Variants in CCNY observed in about 807,000 individuals in gnomAD.
CCNY encodes the protein cyclin Y.
A neutral mutation model predicts 42.8 loss-of-function variants in CCNY; 19 were observed. The ratio of observed to expected loss-of-function variants is 0.44; its 90% confidence interval spans 0.31 to 0.65. CCNY has a LOEUF of 0.65. Among genes scored for constraint, CCNY ranks in the 30% least tolerant of loss-of-function variants. CCNY has a pLI of 0.07. For synonymous variants in CCNY, 165 were observed against 162.7 expected (o/e 1.01, Z -0.11); for missense variants, 370 against 437.3 (o/e 0.85, Z 1.37).
intron 3 of CCNY, among the ~76,000 whole-genome samples, chr10:35,321,221 C>T (rs1040150057): frequency 2.0e-5 from 3 of 150,920 alleles, no homozygotes; most frequent in Admixed American, 6.6e-5. Flanking sequence ...ATGCAAGGCA[C>T]CTATACAATT....
chr10:35,313,977 G>GAAAAAAAAAAAAAAAAAAAAAAAAAA (rs71523375), intron 3 of CCNY, among the ~76,000 whole-genome samples: 1 of 79,798 alleles, frequency 1.3e-5, no homozygotes. Context: ...GTTCATCTCG[G>GAAAAAAAAAAAAAAAAAAAAAAAAAA]AAAAAAAAAA....
At chr10:35,305,696 T>C (rs912617672) in intron 3 of CCNY, among the ~76,000 whole-genome samples, 1 of 152,210 alleles carries the variant, frequency 6.6e-6, no homozygotes, top group African/African-American at 2.4e-5. Flanking sequence ...TTTCTGAGTA[T>C]TGATGATTGG....
intron 1 of CCNY, among the ~76,000 whole-genome samples, chr10:35,414,020 A>G (rs975588054): frequency 2.0e-5 from 3 of 152,204 alleles, no homozygotes; most frequent in Non-Finnish European, 4.4e-5. Context: ...ATTTGCAAAT[A>G]AAGATATGTT....
At chr10:35,281,135 C>T (rs1835295119) in intron 3 of CCNY, among the ~76,000 whole-genome samples, 1 of 152,212 alleles carries the variant, frequency 6.6e-6, no homozygotes. Context: ...CTCACATACA[C>T]TGGTGGGAAT....
chr10:35,496,645 C>T lies in CCNY; in HGVS notation c.230-4856C>T, dbSNP rs142149359. Among the ~76,000 whole-genome samples the T allele has an allele frequency of 3.0e-3, 459 of 151,496 alleles. 6 individuals are homozygous for T. Among genetic ancestry groups the T allele is most frequent in the African/African-American group, 0.01 (432 of 41,234 alleles). Reference sequence around the variant, plus strand: ...CTCAGGAGTTCAATACCAGCCTGGGCGACATAGTGAGATCTCATCTCTAAA... The same window carrying T: ...CTCAGGAGTTCAATACCAGCCTGGGTGACATAGTGAGATCTCATCTCTAAA... On this transcript the variant is annotated intron_variant, in intron 2 of 9. Transcript: ENST00000374704.
chr10:35,293,978 C>G lies in CCNY; in HGVS notation c.-9+43352C>G, dbSNP rs532125866. Among the ~76,000 whole-genome samples, 7 of 152,116 alleles carry G rather than the reference C, an allele frequency of 4.6e-5. No individual in the cohort carries two copies. In the South Asian group the frequency reaches 1.5e-3, roughly 32 times the overall value. On this transcript the variant is annotated intron_variant, in intron 3 of 11. Transcript: ENST00000374706. ...GCTACTTTTTGTATTTTAGTAGAGA[C>G]AGGCTTTCACCATGTTGGTCAGGCT...
chr10:35,526,129 A>G, intron 5 of CCNY, 130 bp downstream of exon 5: 1 of 806,762 alleles, frequency 1.2e-6, no homozygotes. Flanking sequence ...AGAATTTCTA[A>G]AGGTAATATA....
rs1564398905 is a variant in CCNY, at chr10:35,406,245, T to TTTA, written c.154+69040_154+69041insATT. ...TATTTATTTATTTATTTATTTATTT[T>TTTA]TTTATTGATCATTCTTGGGTGTTTC... On this transcript the variant is annotated intron_variant, in intron 1 of 9. Transcript: ENST00000374704. 3.8e-4 allele frequency among the ~76,000 whole-genome samples: 45 copies of TTTA among 118,052 alleles called. 1 individual carries two copies. The highest frequency in any genetic ancestry group is 3.0e-3 in the Admixed American group (35 of 11,720). 77.4% of individuals were successfully genotyped at this position (118,052 alleles called of 152,430 possible). A position where few individuals can be genotyped will look rare whatever the true frequency, so the allele number is the denominator to read the frequency against.
At chr10:35,361,902 A>C (rs1447875503) in intron 1 of CCNY, among the ~76,000 whole-genome samples, 1 of 152,240 alleles carries the variant, frequency 6.6e-6, no homozygotes, top group East Asian at 1.9e-4. Context: ...TTCAGCACCC[A>C]AAATCTGAAA....
At chr10:35,477,015 G>T (rs1250503159) in intron 1 of CCNY, among the ~76,000 whole-genome samples, 57 of 152,080 alleles carry the variant, frequency 3.7e-4, no homozygotes, top group African/African-American at 1.3e-3. Flanking sequence ...ACACCTCTAT[G>T]CAAATAAACT....
intron 1 of CCNY, among the ~76,000 whole-genome samples, chr10:35,403,131 T>TG (rs1392036048): frequency 0.03 from 340 of 11,472 alleles, no homozygotes; most frequent in South Asian, 0.12. Context: ...AAGGGTGGGG[T>TG]GGGGGGGGTT....
chr10:35,382,289 T>G (rs1436009648), intron 1 of CCNY, among the ~76,000 whole-genome samples: 2 of 152,174 alleles, frequency 1.3e-5, no homozygotes, highest in Admixed American at 6.6e-5. Context: ...TTGATATTTG[T>G]CAAGCTTCAG....
intron 1 of CCNY, among the ~76,000 whole-genome samples, chr10:35,382,483 A>G (rs527307181): frequency 6.6e-6 from 1 of 152,298 alleles, no homozygotes; most frequent in African/African-American, 2.4e-5. Flanking sequence ...CATCACTTAG[A>G]ACAGTGCTTC....
intron 1 of CCNY, among the ~76,000 whole-genome samples, chr10:35,413,053 A>T (rs2135250234): frequency 6.6e-6 from 1 of 152,026 alleles, no homozygotes; most frequent in African/African-American, 2.4e-5. Context: ...TGGTGAGTTT[A>T]GTCTTTTGGT....
intron 1 of CCNY, among the ~76,000 whole-genome samples, chr10:35,434,461 A>C (rs1187747515): frequency 6.6e-6 from 1 of 152,238 alleles, no homozygotes; most frequent in African/African-American, 2.4e-5. Flanking sequence ...TTTGGGACTA[A>C]TACTACACAT....
intron 1 of CCNY, among the ~76,000 whole-genome samples, chr10:35,411,763 A>G (rs1473010374): frequency 6.6e-6 from 1 of 152,196 alleles, no homozygotes; most frequent in East Asian, 1.9e-4. Context: ...GATTTCTTCC[A>G]TGGTCAGGCC....
At chr10:35,473,855 G>A (rs1051618855) in intron 1 of CCNY, among the ~76,000 whole-genome samples, 2 of 152,154 alleles carry the variant, frequency 1.3e-5, no homozygotes, top group Non-Finnish European at 2.9e-5. Context: ...CGCAGAAGAC[G>A]GGTGATTTCT....
intron 7 of CCNY, among the ~76,000 whole-genome samples, chr10:35,552,598 T>C (rs1038088255): frequency 6.6e-6 from 1 of 152,166 alleles, no homozygotes; most frequent in African/African-American, 2.4e-5. Flanking sequence ...GATAGGCTTA[T>C]CAACAACTGC....
intron 1 of CCNY, among the ~76,000 whole-genome samples, chr10:35,462,244 C>T (rs1489348678): frequency 6.6e-6 from 1 of 152,218 alleles, no homozygotes. Context: ...TTCAAAGCAG[C>T]CATGTTAGGT....
Sources: gnomAD v4.1 joint callset for allele counts (sites outside exome capture counted in the v4.1 genomes callset) on GRCh38, gnomAD v4.1.1 for gene constraint, MANE v1.5 for transcripts, NCBI Gene and HGNC (gene_info 2026-07-23, HGNC 2026-07-21) for gene names.